Variants in TAF1B observed in about 807,000 individuals in gnomAD.
The protein encoded by TAF1B is TATA-box binding protein associated factor, RNA polymerase I subunit B.
TAF1B carries 61 observed loss-of-function variants against 83.9 expected under a neutral mutation model. That is an observed-to-expected ratio of 0.73 (90% CI 0.59 to 0.90). The LOEUF (loss-of-function observed/expected upper bound fraction) is 0.90, where lower values mean the gene tolerates loss of function less well. TAF1B is among the 40% of genes least tolerant of loss of function. The pLI is 0.00. For synonymous variants in TAF1B, 221 were observed against 224.6 expected (o/e 0.98, Z 0.14); for missense variants, 625 against 677.0 (o/e 0.92, Z 0.85).
chr2:9,898,768 T>A (rs1411377500), intron 8 of TAF1B, among the ~76,000 whole-genome samples: 1 of 152,170 alleles, frequency 6.6e-6, no homozygotes, highest in African/African-American at 2.4e-5. Context: ...TATAAGAGGT[T>A]TCGTGTAAGA....
chr2:9,913,230 T>G lies in TAF1B; in HGVS notation c.1252T>G (p.Trp418Gly), dbSNP rs78987180. 1.2e-6 allele frequency: 2 copies of G among 1,613,386 alleles called. No individual in the cohort carries two copies. The highest frequency in any genetic ancestry group is 3.3e-5 in the Admixed American group (2 of 59,912). The change falls in exon 12 of 15, where the codon TGG (tryptophan) becomes GGG (glycine). Residue 418 changes from tryptophan (W) to glycine (G), a missense_variant. Trp to Gly is a radical substitution (Grantham distance 184). Coordinates refer to ENST00000263663, the MANE Select transcript of TAF1B (RefSeq NM_005680.3). ...AGCTTTTGATGAGAAAAAACAAAAA[T>G]GGGAAGAAGCAAGGGCCAAGTATGT... ...KKAFDEKKQK[W>G]EEARAKYLWK...
intron 6 of TAF1B, among the ~76,000 whole-genome samples, chr2:9,873,806 C>CCAGCTGCA (rs1436404826): frequency 2.0e-5 from 3 of 151,794 alleles, no homozygotes; most frequent in Non-Finnish European, 2.9e-5. Context: ...CCATTTCTCA[C>CCAGCTGCA]CAGCTGCAAT....
rs1000564918 is a variant in TAF1B, at chr2:9,854,238, A to G, written c.304-88A>G. ...GAAATTTATATGTAAGTTAATATTTAAAGTACAAGAGAGCTGTGGTGTAGA... is the reference window on the plus strand; with the variant it reads ...GAAATTTATATGTAAGTTAATATTTGAAGTACAAGAGAGCTGTGGTGTAGA... On this transcript the variant is annotated intron_variant, in intron 4 of 14. Transcript: ENST00000263663. 8 of 863,976 alleles carry G rather than the reference A, an allele frequency of 9.3e-6. No individual in the cohort carries two copies. The African/African-American group carries it at 1.4e-4, about 15-fold the overall frequency. 53.5% of individuals were successfully genotyped at this position (863,976 alleles called of 1,614,324 possible).
At chr2:9,903,835 T>G (rs1000771361) in intron 8 of TAF1B, among the ~76,000 whole-genome samples, 1 of 152,216 alleles carries the variant, frequency 6.6e-6, no homozygotes, top group Non-Finnish European at 1.5e-5. Flanking sequence ...CAGATTCTTC[T>G]AAGGCAAGAA....
In TAF1B at chr2:9,919,628, G is replaced by A. The variant is rs59159809; in HGVS notation, c.1373G>A (p.Ser458Asn). ...GTGGTGAATCTACAGAAACAATTTA[G>A]CACACTGGTCGAGTCAACAGCAACT... is the stretch of plus-strand genomic sequence containing the variant. ...EMVVNLQKQF[S>N]TLVESTATAG... The change falls in exon 14 of 15, where the codon AGC (serine) becomes AAC (asparagine). Residue 458 changes from serine to asparagine, a missense_variant. Transcript: ENST00000263663. The A allele has an allele frequency of 6.2e-7, 1 of 1,613,980 alleles. No individual in the cohort carries two copies. Among genetic ancestry groups the A allele is most frequent in the East Asian group, 2.2e-5 (1 of 44,870 alleles).
intron 14 of TAF1B, among the ~76,000 whole-genome samples, chr2:9,925,371 C>T (rs1011581283): frequency 1.3e-5 from 2 of 151,884 alleles, no homozygotes; most frequent in South Asian, 2.1e-4. Flanking sequence ...ACCCGGGAGG[C>T]GGAGCTTGCA....
At chr2:9,906,287 C>T (rs1665340829) in intron 9 of TAF1B, among the ~76,000 whole-genome samples, 1 of 152,120 alleles carries the variant, frequency 6.6e-6, no homozygotes, top group Non-Finnish European at 1.5e-5. Flanking sequence ...AACCATATTT[C>T]TTGCCTAACA....
chr2:9,873,431 A>G (rs1359176826), intron 6 of TAF1B, among the ~76,000 whole-genome samples: 1 of 152,092 alleles, frequency 6.6e-6, no homozygotes, highest in Non-Finnish European at 1.5e-5. Flanking sequence ...ATGTGACTTC[A>G]CCTAATACCA....
chr2:9,910,129 CATT>C (rs201293653), intron 9 of TAF1B, among the ~76,000 whole-genome samples: 1,732 of 152,254 alleles, frequency 0.011, 14 homozygotes, highest in Non-Finnish European at 0.016. Context: ...AATTTATTCT[CATT>C]ATAACCCATT....
chr2:9,926,982 A>C (rs984035816), intron 14 of TAF1B, among the ~76,000 whole-genome samples: 2 of 151,488 alleles, frequency 1.3e-5, no homozygotes, highest in African/African-American at 4.9e-5. Context: ...TCAACTGGTC[A>C]TTTACATTAG....
At chr2:9,913,302 C>G (rs1477957292) in intron 12 of TAF1B, 53 bp downstream of exon 12, 2 of 1,447,556 alleles carry the variant, frequency 1.4e-6, no homozygotes, top group Middle Eastern at 1.8e-4. Flanking sequence ...GTGTCTGTTA[C>G]TTTACATTTG....
At chr2:9,882,307 C>A (rs1558247984) in intron 7 of TAF1B, among the ~76,000 whole-genome samples, 1 of 152,080 alleles carries the variant, frequency 6.6e-6, no homozygotes, top group Non-Finnish European at 1.5e-5. Flanking sequence ...ACCATATTGG[C>A]CAGGCTGGTC....
chr2:9,876,717 C>T (rs1175210789), intron 7 of TAF1B, among the ~76,000 whole-genome samples: 1 of 152,124 alleles, frequency 6.6e-6, no homozygotes, highest in Non-Finnish European at 1.5e-5. Flanking sequence ...GGGTTTGAAT[C>T]CTGGCTTTGC....
At chr2:9,865,536 A>G (rs543210182) in intron 5 of TAF1B, among the ~76,000 whole-genome samples, 7 of 152,346 alleles carry the variant, frequency 4.6e-5, no homozygotes, top group Non-Finnish European at 7.3e-5. Context: ...TATAGATTCA[A>G]TGCTATCCCC....
Position 9,914,098 on chromosome 2 carries a change from T to C in TAF1B, c.1271+849T>C, listed in dbSNP as rs1347895342. On this transcript the variant is annotated intron_variant, in intron 12 of 14. Coordinates refer to ENST00000263663, the MANE Select transcript of TAF1B (RefSeq NM_005680.3). The surrounding 1 kb of genome is among the most constrained non-coding windows in gnomAD (Gnocchi z 4.3). ...CTTATATACTGTAATTAAGACCCAATTTTCCAGTATGAGAGTAGAACTAGA... is the reference window on the plus strand; with the variant it reads ...CTTATATACTGTAATTAAGACCCAACTTTCCAGTATGAGAGTAGAACTAGA... Among the ~76,000 whole-genome samples, 1 of 152,172 alleles carries C rather than the reference T, an allele frequency of 6.6e-6. No homozygotes were observed. Among genetic ancestry groups the C allele is most frequent in the Non-Finnish European group, 1.5e-5 (1 of 68,020 alleles).
intron 12 of TAF1B, chr2:9,913,532 A>T (rs1665597693): frequency 4.0e-6 from 1 of 249,462 alleles, no homozygotes; most frequent in Non-Finnish European, 7.6e-6. Flanking sequence ...AACTTTTTAT[A>T]ATTTGCATGA....
At chr2:9,882,319 C>T (rs976306202) in intron 7 of TAF1B, among the ~76,000 whole-genome samples, 6 of 152,076 alleles carry the variant, frequency 3.9e-5, no homozygotes, top group Non-Finnish European at 7.4e-5. Context: ...AGGCTGGTCT[C>T]GGACTCCTGA....
chr2:9,903,438 C>G (rs1234876336), intron 8 of TAF1B, among the ~76,000 whole-genome samples: 1 of 152,002 alleles, frequency 6.6e-6, no homozygotes, highest in Non-Finnish European at 1.5e-5. Context: ...AAACTACATG[C>G]AGTATTAATA....
At chr2:9,874,980 T>G (rs1236018958) in intron 6 of TAF1B, among the ~76,000 whole-genome samples, 1 of 152,130 alleles carries the variant, frequency 6.6e-6, no homozygotes, top group East Asian at 1.9e-4. Flanking sequence ...TTTTTCTTTT[T>G]GGAGACAGAG....
Sources: gnomAD v4.1 joint callset for allele counts (sites outside exome capture counted in the v4.1 genomes callset) on GRCh38, gnomAD v4.1.1 for gene constraint, Gnocchi (gnomAD v3.1) non-coding constraint, MANE v1.5 for transcripts, NCBI Gene and HGNC (gene_info 2026-07-23, HGNC 2026-07-21) for gene names.